Variants in IP6K3 observed in about 807,000 individuals in gnomAD.
IP6K3 encodes inositol hexakisphosphate kinase 3.
IP6K3 carries 20 observed loss-of-function variants against 28.8 expected under a neutral mutation model. The observed-to-expected ratio is 0.70, with a 90% CI of 0.49 to 1.01. The LOEUF (loss-of-function observed/expected upper bound fraction) is 1.01, where lower values mean the gene tolerates loss of function less well. Among genes scored for constraint, IP6K3 ranks in the 50% least tolerant of loss-of-function variants. The probability of loss-of-function intolerance (pLI) is 0.00; values close to 1 mark genes in which losing one functional copy is unlikely to be tolerated. For synonymous variants in IP6K3, 213 were observed against 221.3 expected, an observed-to-expected ratio of 0.96 and a Z score of 0.33; for missense variants, 480 against 537.1, an observed-to-expected ratio of 0.89 and a Z score of 1.05.
At chr6:33,723,326 CAGA>C in intron 5 of IP6K3, 139 bp from the exon 6 acceptor site, 1 of 610,994 alleles carries the variant, frequency 1.6e-6, no homozygotes, top group South Asian at 2.1e-5. Context: ...CTGAAATGAG[CAGA>C]AGATGATCTT....
intron 5 of IP6K3, among the ~76,000 whole-genome samples, 199 bp from the exon 6 acceptor site, chr6:33,723,386 C>T (rs1271039556): frequency 6.6e-6 from 1 of 152,182 alleles, no homozygotes; most frequent in Non-Finnish European, 1.5e-5. Flanking sequence ...GCTTTCTGTG[C>T]AAGTCTTTAA....
chr6:33,746,153 T>C lies in IP6K3; in HGVS notation c.-180+605A>G, dbSNP rs79297236. Among the ~76,000 whole-genome samples the C allele has an allele frequency of 0.11, 16,438 of 152,026 alleles. 1,154 individuals are homozygous for C. Among genetic ancestry groups the C allele is most frequent in the African/African-American group, 0.19 (8,020 of 41,426 alleles). ...CTGCCCAGGGCATCAGGGACCACCG[T>C]TTGGTGGAGACATGTCTCCCACCCC... is the stretch of plus-strand genomic sequence containing the variant. On this transcript the variant is annotated intron_variant, in intron 1 of 5. Transcript: ENST00000293756. The surrounding 1 kb of genome is among the most constrained non-coding windows in gnomAD (Gnocchi z 6.5).
chr6:33,727,961 A>G, intron 3 of IP6K3, 126 bp downstream of exon 3: 12 of 1,455,822 alleles, frequency 8.2e-6, no homozygotes, highest in Non-Finnish European at 9.9e-6. Flanking sequence ...TAGACAGAGC[A>G]TTCATCTGAA....
chr6:33,745,832 G>A (rs1766887093), intron 1 of IP6K3, among the ~76,000 whole-genome samples: 2 of 152,140 alleles, frequency 1.3e-5, no homozygotes, highest in Admixed American at 6.5e-5. Context: ...TAGCTGTAGC[G>A]TATTCAATGA....
chr6:33,749,807 A>G (rs1766996588), upstream of IP6K3, among the ~76,000 whole-genome samples: 1 of 151,980 alleles, frequency 6.6e-6, no homozygotes, highest in South Asian at 2.1e-4. Context: ...GGGAGGGGCC[A>G]TCATTCCCCT....
At chr6:33,733,408 T>TG (rs200492734) in intron 2 of IP6K3, among the ~76,000 whole-genome samples, 1,584 of 152,334 alleles carry the variant, frequency 0.01, 20 homozygotes, top group African/African-American at 0.026. Flanking sequence ...CTCATGGCCG[T>TG]TGCAGATGGG....
chr6:33,752,955 T>G, the IP6K3 span, among the ~76,000 whole-genome samples: 1 of 152,236 alleles, frequency 6.6e-6, no homozygotes, highest in African/African-American at 2.4e-5. Context: ...AATTTTTTTA[T>G]ATTTTAGAGA....
the IP6K3 span, among the ~76,000 whole-genome samples, chr6:33,757,351 G>A: frequency 6.6e-6 from 1 of 152,196 alleles, no homozygotes; most frequent in Non-Finnish European, 1.5e-5. Flanking sequence ...TGCAGCTGAT[G>A]TTCTTGCCCT....
intron 1 of IP6K3, among the ~76,000 whole-genome samples, chr6:33,736,411 T>A (rs892111746): frequency 6.6e-6 from 1 of 151,644 alleles, no homozygotes; most frequent in African/African-American, 2.4e-5. Context: ...GCTTTATTTA[T>A]TTATTTATTT....
Position 33,722,427 on chromosome 6 carries a change from C to T in IP6K3, c.*293G>A, listed in dbSNP as rs529110460. The T allele has an allele frequency of 1.2e-4, 31 of 251,062 alleles. No homozygotes were observed. The South Asian group carries it at 3.1e-3, about 25-fold the overall frequency. The allele number at this position is 251,062 out of a possible 1,614,324, so 15.6% of individuals were successfully genotyped here. ...CAAATATTCCAGAATGTCAGCAATG[C>T]TGGCCTCTAACTTGGGCTGCCCCCT... On this transcript the variant is annotated 3_prime_UTR_variant, in exon 6 of 6. Coordinates refer to ENST00000293756, the MANE Select transcript of IP6K3 (RefSeq NM_054111.5).
At chr6:33,748,620 C>T (rs1228041106), upstream of IP6K3, among the ~76,000 whole-genome samples, 7 of 127,570 alleles carry the variant, frequency 5.5e-5, no homozygotes, top group African/African-American at 1.8e-4. Flanking sequence ...TCCAGCTGGG[C>T]GACACAGAGA....
intron 2 of IP6K3, among the ~76,000 whole-genome samples, chr6:33,734,917 C>CAT (rs1766459163): frequency 6.6e-6 from 1 of 152,186 alleles, no homozygotes; most frequent in South Asian, 2.1e-4. Context: ...AAGGAGGCCC[C>CAT]ATTTTGCCCT....
chr6:33,751,738 G>A (rs1767025531), upstream of IP6K3, among the ~76,000 whole-genome samples: 2 of 152,142 alleles, frequency 1.3e-5, no homozygotes, highest in Admixed American at 6.5e-5. The surrounding 1 kb of genome is among the most constrained non-coding windows in gnomAD (Gnocchi z 4.3). Context: ...TGAATCTGGG[G>A]CCCCCACTCC....
chr6:33,725,576 A>G lies in IP6K3; in HGVS notation c.630T>C (p.His210=), dbSNP rs139534699. Residue 210 remains histidine, a synonymous_variant, in exon 5 of 6, where the codon CAT becomes CAC. Transcript: ENST00000293756. The part of the protein sequence containing the change: ...LLENVVSQYT[H]PCVLDLKMGT... ...CCATCTTCAGATCCAGGACACAGGGATGCGTGTACTGTGACACTACATTTT... is the reference window on the plus strand; with the variant it reads ...CCATCTTCAGATCCAGGACACAGGGGTGCGTGTACTGTGACACTACATTTT... The G allele has an allele frequency of 3.3e-5, 54 of 1,614,070 alleles. No homozygotes were observed. The highest frequency in any genetic ancestry group is 4.2e-5 in the Non-Finnish European group (50 of 1,180,030).
chr6:33,754,696 G>A, the IP6K3 span, among the ~76,000 whole-genome samples: 1 of 152,150 alleles, frequency 6.6e-6, no homozygotes, highest in African/African-American at 2.4e-5. Context: ...CCCCATCTCT[G>A]CCCCAGGAAG....
the IP6K3 span, among the ~76,000 whole-genome samples, chr6:33,756,217 G>GA: frequency 1.3e-3 from 192 of 152,146 alleles, 1 homozygote; most frequent in Admixed American, 7.1e-3. Context: ...GTGTGGTAGA[G>GA]AAAAAAAATG....
intron 3 of IP6K3, among the ~76,000 whole-genome samples, chr6:33,727,524 A>G (rs188364575): frequency 1.5e-3 from 235 of 152,324 alleles, no homozygotes; most frequent in Middle Eastern, 0.01. Context: ...TTTGTTTCCC[A>G]TAAATGTTTT....
At chr6:33,740,478 C>G (rs1232748601) in intron 1 of IP6K3, among the ~76,000 whole-genome samples, 1 of 152,224 alleles carries the variant, frequency 6.6e-6, no homozygotes, top group African/African-American at 2.4e-5. Flanking sequence ...GCTCCGCAGC[C>G]CCACAGGGCC....
intron 2 of IP6K3, among the ~76,000 whole-genome samples, chr6:33,731,644 C>A (rs961283338): frequency 1.6e-4 from 25 of 152,166 alleles, no homozygotes; most frequent in Admixed American, 1.6e-3. Context: ...CAGCGCAGCC[C>A]TTCCCTCTGA....
Sources: allele counts gnomAD v4.1 joint callset (sites outside exome capture counted in the v4.1 genomes callset), GRCh38; gene constraint gnomAD v4.1.1; non-coding constraint Gnocchi (gnomAD v3.1); transcripts MANE v1.5; gene names NCBI Gene and HGNC (gene_info 2026-07-23, HGNC 2026-07-21).